AACS: variants seen among roughly 807,000 people sequenced by gnomAD.
AACS encodes the protein acetoacetyl-CoA synthetase, also known as acetoacetate-CoA ligase.
AACS carries 69 observed loss-of-function variants against 83.1 expected under a neutral mutation model. The observed-to-expected ratio is 0.83, with a 90% CI of 0.68 to 1.01. The LOEUF is 1.01. AACS is among the 50% of genes least tolerant of loss of function. The pLI is 0.00. For synonymous variants in AACS, 333 were observed against 343.4 expected, an observed-to-expected ratio of 0.97 and a Z score of 0.33; for missense variants, 866 against 882.2, an observed-to-expected ratio of 0.98 and a Z score of 0.23.
chr12:125,142,583 C>T lies in AACS; in HGVS notation c.*354C>T, dbSNP rs1350502004. 3.0e-5 allele frequency: 6 copies of T among 198,068 alleles called. No individual in the cohort carries two copies. The highest frequency in any genetic ancestry group is 1.8e-3 in the Middle Eastern group (1 of 542). 12.3% of individuals were successfully genotyped at this position (198,068 alleles called of 1,614,324 possible). A position where few individuals can be genotyped will look rare whatever the true frequency, so the allele number is the denominator to read the frequency against. On this transcript the variant is annotated 3_prime_UTR_variant, in exon 18 of 18. Transcript: ENST00000316519. ...GGTCTTGTCTTCAACCTCCCCGTCC[C>T]GTTGTCCCATTTTGCTCTGTGAAGG...
rs1592965256 is a variant in AACS at position 125,094,358 on chromosome 12, T to C, written c.570+2835T>C. On this transcript the variant is annotated intron_variant, in intron 5 of 17. Coordinates refer to ENST00000316519, the MANE Select transcript of AACS (RefSeq NM_023928.5). The surrounding 1 kb of genome is among the most constrained non-coding windows in gnomAD (Gnocchi z 4.1). Reference sequence around the variant, plus strand: ...CTCTTGCTTTGAAATTATATTTCTTTGAATCTCAGAGAATATCGTAAAGGG... The same window carrying C: ...CTCTTGCTTTGAAATTATATTTCTTCGAATCTCAGAGAATATCGTAAAGGG... Among the ~76,000 whole-genome samples the C allele has an allele frequency of 2.0e-5, 3 of 152,364 alleles. 1 individual carries two copies. The highest frequency in any genetic ancestry group is 1.5e-5 in the Non-Finnish European group (1 of 68,038).
intron 1 of AACS, among the ~76,000 whole-genome samples, chr12:125,071,813 G>T (rs960980611): frequency 6.6e-6 from 1 of 152,178 alleles, no homozygotes; most frequent in Admixed American, 6.6e-5. Context: ...GGCCGCGTCT[G>T]CCTTCCTTAG....
chr12:125,128,344 G>A (rs41433146), intron 13 of AACS, 70 bp downstream of exon 13: 23,372 of 1,386,864 alleles, frequency 0.017, 750 homozygotes, highest in African/African-American at 0.097. Context: ...GTTCGGATGT[G>A]TAACTTTGCT....
chr12:125,116,245 A>G (rs1290322870), intron 9 of AACS, among the ~76,000 whole-genome samples: 2 of 152,106 alleles, frequency 1.3e-5, no homozygotes, highest in East Asian at 3.9e-4. Context: ...AGCAGCTACG[A>G]TGATGCAGGA....
intron 1 of AACS, 46 bp downstream of exon 1, chr12:125,065,763 C>T (rs750328955): frequency 2.7e-6 from 4 of 1,486,516 alleles, no homozygotes; most frequent in Non-Finnish European, 8.9e-7. Context: ...TGGGCGGGAG[C>T]CGTGCAGGGT....
chr12:125,075,453 G>A (rs1296295633), intron 2 of AACS, among the ~76,000 whole-genome samples: 8 of 147,338 alleles, frequency 5.4e-5, no homozygotes, highest in Admixed American at 2.0e-4. Flanking sequence ...CACCACGCCC[G>A]GCTAATTTTT....
At chr12:125,084,598 A>C (rs1011268309) in intron 3 of AACS, among the ~76,000 whole-genome samples, 34 of 149,474 alleles carry the variant, frequency 2.3e-4, no homozygotes, top group African/African-American at 6.9e-4. Context: ...TTTTTTTCCA[A>C]GACAGAGTCT....
At chr12:125,083,903 C>T (rs1466674346) in intron 3 of AACS, among the ~76,000 whole-genome samples, 1 of 152,094 alleles carries the variant, frequency 6.6e-6, no homozygotes, top group East Asian at 1.9e-4. Context: ...ATTCACCTGC[C>T]TCAGCCTCCC....
At chr12:125,099,830 C>T (rs774517095) in intron 5 of AACS, among the ~76,000 whole-genome samples, 8 of 152,030 alleles carry the variant, frequency 5.3e-5, no homozygotes, top group African/African-American at 1.2e-4. Context: ...CATGGGCCAC[C>T]GTGTCTGGCT....
At chr12:125,110,192 TGTGTG>T (rs1565943349) in intron 8 of AACS, among the ~76,000 whole-genome samples, 9 of 222 alleles carry the variant, frequency 0.041, no homozygotes, top group Non-Finnish European at 0.076. Context: ...GCTAAGTTTG[TGTGTG>T]TGTGTGTGTG....
At chr12:125,135,386 C>G (rs556707625) in intron 16 of AACS, among the ~76,000 whole-genome samples, 1 of 152,136 alleles carries the variant, frequency 6.6e-6, no homozygotes. Flanking sequence ...TGAGCCACCA[C>G]GCCCGGCCAA....
chr12:125,065,590 C>G lies in AACS; in HGVS notation c.6C>G (p.Ser2=), dbSNP rs1435143820. Residue 2 remains serine, a synonymous_variant, in exon 1 of 18, where the codon TCC becomes TCG. Transcript: ENST00000316519. M[S]KEERPGREEI... is the part of the protein sequence containing the mutation. ...CCCGGCCGCCCGCCGCCGCCATGTC[C>G]AAGGAGGAGCGCCCCGGTCGGGAGG... The G allele has an allele frequency of 2.0e-6, 3 of 1,526,142 alleles. No individual in the cohort carries two copies. In the Admixed American group the frequency reaches 6.2e-5, roughly 32 times the overall value. The allele number at this position is 1,526,142 out of a possible 1,614,324, so 94.5% of individuals were successfully genotyped here.
chr12:125,103,194 G>A (rs1180097010), intron 7 of AACS, 113 bp downstream of exon 7: 4 of 873,276 alleles, frequency 4.6e-6, no homozygotes, highest in South Asian at 1.6e-5. Context: ...TAGAAGTGGA[G>A]GAGGTTTTAG....
chr12:125,133,223 T>C (rs1957351714), intron 14 of AACS, among the ~76,000 whole-genome samples: 1 of 152,142 alleles, frequency 6.6e-6, no homozygotes, highest in Admixed American at 6.5e-5. Flanking sequence ...TTGGTGACTC[T>C]CTCGGCTGTG....
chr12:125,101,612 G>A (rs766605684), intron 5 of AACS: 5 of 152,114 alleles, frequency 3.3e-5, no homozygotes, highest in Non-Finnish European at 5.9e-5. Context: ...GGCTCTTTCT[G>A]TAAGGTGGGG....
rs57643228 is a variant in AACS, at chr12:125,094,978, CGTGTGTGTGTGTGTGTGTGTGTGTGTGT to C, written c.570+3474_570+3501del. ...TCCTCCTGAAGTGCCATCAGGTGGC[CGTGTGTGTGTGTGTGTGTGTGTGTGTGT>C]GTGTGTGTGTGTGTGTGTCTGTGTG... is the stretch of plus-strand genomic sequence containing the variant. On this transcript the variant is annotated intron_variant, in intron 5 of 17. Coordinates refer to ENST00000316519, the MANE Select transcript of AACS (RefSeq NM_023928.5). This position sits in a 1 kb window ranked among gnomAD's most constrained non-coding sequence, Gnocchi z 4.1. Among the ~76,000 whole-genome samples, 2 of 145,240 alleles carry C rather than the reference CGTGTGTGTGTGTGTGTGTGTGTGTGTGT, an allele frequency of 1.4e-5. No individual in the cohort carries two copies. Among genetic ancestry groups the C allele is most frequent in the East Asian group, 2.0e-4 (1 of 4,944 alleles).
intron 7 of AACS, chr12:125,105,777 A>G (rs1377801362): frequency 6.6e-6 from 1 of 152,210 alleles, no homozygotes; most frequent in Non-Finnish European, 1.5e-5. Flanking sequence ...TTTCATTCTT[A>G]GAAGAGCTTT....
chr12:125,089,705 C>T (rs1022643922), intron 4 of AACS, among the ~76,000 whole-genome samples: 2 of 152,118 alleles, frequency 1.3e-5, no homozygotes, highest in African/African-American at 4.8e-5. Flanking sequence ...ATCAACCCAT[C>T]CATCTGTCCA....
chr12:125,143,173 T>C lies in AACS; in HGVS notation c.*944T>C, dbSNP rs1327203998. ...AGTTCAGCGTATGAACTTGTATCTC[T>C]AATCTGATGTCCATTTTTATATTTT... On this transcript the variant is annotated 3_prime_UTR_variant, in exon 18 of 18. Transcript: ENST00000316519. 6.6e-6 allele frequency: 1 copy of C among 152,254 alleles called. No individual in the cohort carries two copies. The highest frequency in any genetic ancestry group is 6.5e-5 in the Admixed American group (1 of 15,284). The allele number at this position is 152,254 out of a possible 1,614,324, so 9.4% of individuals were successfully genotyped here. A position where few individuals can be genotyped will look rare whatever the true frequency, so the allele number is the denominator to read the frequency against.
Sources: allele counts gnomAD v4.1 joint callset (sites outside exome capture counted in the v4.1 genomes callset), GRCh38; gene constraint gnomAD v4.1.1; non-coding constraint Gnocchi (gnomAD v3.1); transcripts MANE v1.5; gene names NCBI Gene and HGNC (gene_info 2026-07-23, HGNC 2026-07-21).